Variants in ERC1 observed in about 807,000 individuals in gnomAD.
The protein encoded by ERC1 is ELKS/RAB6-interacting/CAST family member 1.
A neutral mutation model predicts 132.0 loss-of-function variants in ERC1; 56 were observed. That is an observed-to-expected ratio of 0.42 (90% confidence interval 0.34 to 0.53). The LOEUF is 0.53. ERC1 is among the 20% of genes least tolerant of loss of function. ERC1 has a pLI of 0.03. For missense variants in ERC1, 1,202 were observed against 1,349.9 expected, an observed-to-expected ratio of 0.89 and a Z score of 1.72; for synonymous variants, 478 against 476.1, an observed-to-expected ratio of 1.00 and a Z score of -0.05.
At chr12:1,204,713 T>A (rs1957203313) in intron 12 of ERC1, among the ~76,000 whole-genome samples, 1 of 152,070 alleles carries the variant, frequency 6.6e-6, no homozygotes, top group Admixed American at 6.5e-5. Context: ...GTGTGAGTAG[T>A]CAGAGAGCAA....
chr12:1,370,669 T>C (rs1156300806), intron 15 of ERC1, among the ~76,000 whole-genome samples: 1 of 152,220 alleles, frequency 6.6e-6, no homozygotes, highest in African/African-American at 2.4e-5. Flanking sequence ...TTTTAAAATA[T>C]AAAATGAAAT....
At chr12:1,148,549 G>A (rs1410539952) in intron 8 of ERC1, among the ~76,000 whole-genome samples, 5 of 152,122 alleles carry the variant, frequency 3.3e-5, no homozygotes, top group Admixed American at 1.3e-4. Context: ...TTACCAGATA[G>A]TACAACTGTT....
intron 2 of ERC1, among the ~76,000 whole-genome samples, chr12:1,059,523 TATTG>T (rs1973620592): frequency 6.6e-6 from 1 of 152,214 alleles, no homozygotes; most frequent in Non-Finnish European, 1.5e-5. Context: ...TTGCCTAGTT[TATTG>T]AGAGTTTTTA....
At chr12:1,320,969 G>A (rs1277105335) in intron 15 of ERC1, among the ~76,000 whole-genome samples, 1 of 152,204 alleles carries the variant, frequency 6.6e-6, no homozygotes, top group Admixed American at 6.5e-5. Context: ...CCAAAGTACT[G>A]GGATTACAGG....
At chr12:1,167,457 C>T (rs181349088) in intron 8 of ERC1, among the ~76,000 whole-genome samples, 6 of 152,336 alleles carry the variant, frequency 3.9e-5, no homozygotes, top group Non-Finnish European at 8.8e-5. Context: ...TTAAATCAGA[C>T]TCTGATGAAG....
chr12:1,298,351 G>T (rs1054402095), intron 15 of ERC1, among the ~76,000 whole-genome samples: 2 of 151,992 alleles, frequency 1.3e-5, no homozygotes, highest in African/African-American at 4.8e-5. Context: ...AGACCAGCTT[G>T]GCCAACGTGG....
intron 18 of ERC1, among the ~76,000 whole-genome samples, chr12:1,448,960 G>A (rs892594511): frequency 6.6e-6 from 1 of 152,256 alleles, no homozygotes. Flanking sequence ...CAGGGGCAGA[G>A]CTGCCCACGG....
At chr12:1,447,544 CAAAAA>C (rs374201728) in intron 18 of ERC1, among the ~76,000 whole-genome samples, 2 of 129,544 alleles carry the variant, frequency 1.5e-5, no homozygotes, top group African/African-American at 6.0e-5. Context: ...ACAACAACAA[CAAAAA>C]AAAAAAAACC....
chr12:1,257,442 T>C (rs555565443), intron 13 of ERC1, among the ~76,000 whole-genome samples: 26 of 152,308 alleles, frequency 1.7e-4, no homozygotes, highest in African/African-American at 6.0e-4. Context: ...ATTACAGATA[T>C]TTTATATTTT....
intron 2 of ERC1, among the ~76,000 whole-genome samples, chr12:1,079,148 G>A (rs1194728142): frequency 1.5e-5 from 2 of 129,242 alleles, no homozygotes; most frequent in Non-Finnish European, 3.5e-5. Context: ...AATATGACAA[G>A]TCGATATACA....
chr12:1,414,453 C>T (rs767531007), intron 17 of ERC1, among the ~76,000 whole-genome samples: 1 of 152,144 alleles, frequency 6.6e-6, no homozygotes, highest in Non-Finnish European at 1.5e-5. Flanking sequence ...TTCCCAAAGC[C>T]ATCCAGATAC....
intron 8 of ERC1, among the ~76,000 whole-genome samples, chr12:1,167,614 A>AT (rs57266853): frequency 0.013 from 2,022 of 149,976 alleles, 58 homozygotes; most frequent in African/African-American, 0.046. Context: ...TCTCCTAATG[A>AT]TTTTTTTTTC....
chr12:1,405,211 CACAA>C (rs1411937671), intron 16 of ERC1, among the ~76,000 whole-genome samples: 2 of 147,666 alleles, frequency 1.4e-5, no homozygotes, highest in Non-Finnish European at 3.0e-5. Context: ...TTGGGGGGAA[CACAA>C]ACATTCAGAC....
chr12:1,257,840 TTAA>T (rs1164370695), intron 13 of ERC1, among the ~76,000 whole-genome samples: 15 of 152,348 alleles, frequency 9.8e-5, no homozygotes, highest in African/African-American at 3.4e-4. Flanking sequence ...AACATTAATT[TTAA>T]TAATGTTTTC....
At chr12:1,350,552 C>T (rs1027998344) in intron 15 of ERC1, among the ~76,000 whole-genome samples, 1 of 152,090 alleles carries the variant, frequency 6.6e-6, no homozygotes, top group South Asian at 2.1e-4. Context: ...TGGGATGGGC[C>T]TTTAACTGGG....
At chr12:1,123,836 A>G (rs1947846442) in intron 7 of ERC1, among the ~76,000 whole-genome samples, 1 of 152,184 alleles carries the variant, frequency 6.6e-6, no homozygotes, top group African/African-American at 2.4e-5. Flanking sequence ...CTCTACTGAA[A>G]ATACAAAAAT....
intron 16 of ERC1, among the ~76,000 whole-genome samples, chr12:1,405,976 A>G (rs1438955071): frequency 6.6e-6 from 1 of 152,228 alleles, no homozygotes; most frequent in Non-Finnish European, 1.5e-5. Flanking sequence ...ACGTATACAT[A>G]TATGTGTAAT....
intron 8 of ERC1, among the ~76,000 whole-genome samples, chr12:1,163,064 CTG>C (rs1010090162): frequency 4.6e-5 from 7 of 152,086 alleles, no homozygotes; most frequent in African/African-American, 1.5e-4. Context: ...GAAATATACT[CTG>C]TGTAAATTTA....
At chr12:1,278,681 A>G (rs1386639608) in intron 14 of ERC1, among the ~76,000 whole-genome samples, 2 of 152,186 alleles carry the variant, frequency 1.3e-5, no homozygotes, top group Admixed American at 1.3e-4. Flanking sequence ...GTAACTCTGT[A>G]CTTAAAGTTT....
Sources: allele counts gnomAD v4.1 joint callset (sites outside exome capture counted in the v4.1 genomes callset), GRCh38; gene constraint gnomAD v4.1.1; transcripts MANE v1.5; gene names NCBI Gene and HGNC (gene_info 2026-07-23, HGNC 2026-07-21).